The following ZFAND3 variants were observed in gnomAD, a reference collection of about 807,000 sequenced individuals.
The protein encoded by ZFAND3 is AN1-type zinc finger protein 3.
A neutral mutation model predicts 29.6 loss-of-function variants in ZFAND3; 10 were observed. The ratio of observed to expected loss-of-function variants is 0.34; its 90% confidence interval spans 0.21 to 0.57. ZFAND3 has a LOEUF of 0.57. Among genes scored for constraint, ZFAND3 ranks in the 20% least tolerant of loss-of-function variants. The probability of loss-of-function intolerance (pLI) is 0.86; values close to 1 mark genes in which losing one functional copy is unlikely to be tolerated. For missense variants in ZFAND3, 230 were observed against 304.5 expected (o/e 0.76, Z 1.82); for synonymous variants, 128 against 112.6 (o/e 1.14, Z -0.87).
chr6:37,954,944 A>G (rs1295423014), intron 2 of ZFAND3, among the ~76,000 whole-genome samples: 1 of 152,226 alleles, frequency 6.6e-6, no homozygotes. Context: ...TGTGAGCACC[A>G]GGTATAGTTA....
intron 4 of ZFAND3, among the ~76,000 whole-genome samples, chr6:38,100,311 C>T (rs950718414): frequency 6.6e-6 from 1 of 152,202 alleles, no homozygotes; most frequent in Non-Finnish European, 1.5e-5. Flanking sequence ...ATCCGCCTGC[C>T]TCGACCTCCC....
intron 3 of ZFAND3, among the ~76,000 whole-genome samples, chr6:38,078,025 C>G (rs1764587697): frequency 6.6e-6 from 1 of 152,154 alleles, no homozygotes. Flanking sequence ...TCTTTATTTA[C>G]TTCTGTTTTT....
intron 1 of ZFAND3, among the ~76,000 whole-genome samples, chr6:37,861,984 AT>A (rs1764501250): frequency 6.6e-6 from 1 of 152,210 alleles, no homozygotes; most frequent in African/African-American, 2.4e-5. Context: ...AAATGGAATA[AT>A]TGATTCATAA....
chr6:38,113,610 T>A (rs1325716812), intron 4 of ZFAND3, among the ~76,000 whole-genome samples: 2 of 151,994 alleles, frequency 1.3e-5, no homozygotes, highest in Non-Finnish European at 2.9e-5. Context: ...GGTTGGGGGG[T>A]CCCATCAAAG....
chr6:38,069,260 C>G (rs553702927), intron 3 of ZFAND3, among the ~76,000 whole-genome samples: 2 of 152,236 alleles, frequency 1.3e-5, no homozygotes, highest in East Asian at 1.9e-4. Flanking sequence ...AAAATATTGC[C>G]TATTAAAAAA....
intron 2 of ZFAND3, among the ~76,000 whole-genome samples, chr6:38,020,828 G>A (rs1348523904): frequency 6.6e-6 from 1 of 152,082 alleles, no homozygotes; most frequent in African/African-American, 2.4e-5. Flanking sequence ...TCCACCTCTC[G>A]TATTAAACAG....
rs139292732 is a variant in ZFAND3, at chr6:37,939,104, T to C, written c.112+9105T>C. Among the ~76,000 whole-genome samples, 19 of 152,282 alleles carry C rather than the reference T, an allele frequency of 1.2e-4. No homozygotes were observed. In the East Asian group the frequency reaches 2.3e-3, roughly 19 times the overall value. On this transcript the variant is annotated intron_variant, in intron 2 of 5. Coordinates refer to ENST00000287218, the MANE Select transcript of ZFAND3 (RefSeq NM_021943.3). ...TTTTTGTCCTGTATACATAATCTCA[T>C]TGGTATCTGTATTAGTTTCCTAGGG...
intron 4 of ZFAND3, among the ~76,000 whole-genome samples, chr6:38,091,074 T>G (rs1764859173): frequency 6.6e-6 from 1 of 152,200 alleles, no homozygotes; most frequent in Non-Finnish European, 1.5e-5. Context: ...AGTGAATAAG[T>G]GGAACATCAA....
rs145531956 is a variant in ZFAND3 at position 37,867,944 on chromosome 6, C to G, written c.71+47928C>G. 9.2e-5 allele frequency among the ~76,000 whole-genome samples: 14 copies of G among 152,308 alleles called. No homozygotes were observed. The East Asian group carries it at 2.7e-3, about 29-fold the overall frequency. On this transcript the variant is annotated intron_variant, in intron 1 of 5. Transcript: ENST00000287218. ...TTGCTATTATACCAGGGGACAATAA[C>G]TTCCTCCTTTTTTCTTTTTGTTTCA...
intron 1 of ZFAND3, among the ~76,000 whole-genome samples, chr6:37,925,703 CAAAA>C (rs35278839): frequency 8.4e-6 from 1 of 118,682 alleles, no homozygotes; most frequent in Non-Finnish European, 1.7e-5. Flanking sequence ...CACTCCATCT[CAAAA>C]AAAAAAAAAA....
At chr6:38,002,241 A>G (rs1386258484) in intron 2 of ZFAND3, among the ~76,000 whole-genome samples, 1 of 152,000 alleles carries the variant, frequency 6.6e-6, no homozygotes, top group Non-Finnish European at 1.5e-5. Context: ...TACCCTCAGG[A>G]AGCTTATAGT....
chr6:38,146,267 T>C (rs2127497646), intron 5 of ZFAND3, among the ~76,000 whole-genome samples: 1 of 152,290 alleles, frequency 6.6e-6, no homozygotes, highest in South Asian at 2.1e-4. Flanking sequence ...ACAGGGGGTG[T>C]CTGGTACTAC....
chr6:37,890,672 T>C (rs1290557171), intron 1 of ZFAND3, among the ~76,000 whole-genome samples: 1 of 152,234 alleles, frequency 6.6e-6, no homozygotes, highest in Admixed American at 6.5e-5. Context: ...ACTAACACTA[T>C]CACATTAGTT....
chr6:37,878,934 C>G (rs1407950624), intron 1 of ZFAND3, among the ~76,000 whole-genome samples: 2 of 152,156 alleles, frequency 1.3e-5, no homozygotes, highest in Admixed American at 1.3e-4. Flanking sequence ...TCCAGGTAAC[C>G]TTTCCCAGCC....
At chr6:37,896,572 C>CTTTTCTT (rs58677123) in intron 1 of ZFAND3, among the ~76,000 whole-genome samples, 1 of 21,290 alleles carries the variant, frequency 4.7e-5, no homozygotes, top group Admixed American at 4.4e-4. Context: ...CTTTCTTTCT[C>CTTTTCTT]TCTTTCTCTC....
At chr6:37,862,419 G>C (rs1764509284) in intron 1 of ZFAND3, among the ~76,000 whole-genome samples, 1 of 151,858 alleles carries the variant, frequency 6.6e-6, no homozygotes, top group African/African-American at 2.4e-5. Context: ...GAGCACAGTG[G>C]CTCATGGCTA....
intron 2 of ZFAND3, among the ~76,000 whole-genome samples, chr6:37,989,316 CAATAAA>C (rs1581817844): frequency 6.6e-6 from 1 of 152,290 alleles, no homozygotes; most frequent in East Asian, 1.9e-4. Context: ...GTGGCTAAAA[CAATAAA>C]TTTATTCCTC....
chr6:37,872,077 C>T (rs990914207), intron 1 of ZFAND3, among the ~76,000 whole-genome samples: 1 of 152,162 alleles, frequency 6.6e-6, no homozygotes, highest in Admixed American at 6.5e-5. Context: ...TTGATTTCCC[C>T]CTCCACTTTC....
intron 2 of ZFAND3, among the ~76,000 whole-genome samples, chr6:37,974,147 CT>C (rs1251884571): frequency 1.3e-5 from 2 of 152,154 alleles, no homozygotes; most frequent in Non-Finnish European, 2.9e-5. Flanking sequence ...CAACCTCTGC[CT>C]CTCCCCTAGG....
Sources: gnomAD v4.1 joint callset for allele counts (sites outside exome capture counted in the v4.1 genomes callset) on GRCh38, gnomAD v4.1.1 for gene constraint, MANE v1.5 for transcripts, NCBI Gene and HGNC (gene_info 2026-07-23, HGNC 2026-07-21) for gene names.